Variants in EMP3 observed in about 807,000 individuals in gnomAD.
The protein encoded by EMP3 is epithelial membrane protein 3.
EMP3 carries 15 observed loss-of-function variants against 21.6 expected under a neutral mutation model. The ratio of observed to expected loss-of-function variants is 0.69; its 90% confidence interval spans 0.46 to 1.07. EMP3 has a LOEUF of 1.07. EMP3 is among the 50% of genes least tolerant of loss of function. The pLI, the probability that EMP3 is intolerant of heterozygous loss-of-function variation, is 0.00. For synonymous variants in EMP3, 107 were observed against 86.1 expected (o/e 1.24, Z -1.34); for missense variants, 183 against 206.6 (o/e 0.89, Z 0.70).
intron 3 of EMP3, among the ~76,000 whole-genome samples, chr19:48,328,447 C>T (rs1969161282): frequency 2.1e-5 from 3 of 146,192 alleles, no homozygotes; most frequent in Admixed American, 1.4e-4. Flanking sequence ...AGAGAAAAAT[C>T]TCCCAAGATT....
At chr19:48,327,646 C>A in intron 3 of EMP3, 23 bp downstream of exon 3, 1 of 1,602,146 alleles carries the variant, frequency 6.2e-7, no homozygotes, top group East Asian at 2.2e-5. Context: ...GGCGGCGGGA[C>A]TGGTCTTCAA....
intron 3 of EMP3, 182 bp downstream of exon 3, chr19:48,327,805 T>G (rs1969149047): frequency 1.7e-6 from 1 of 579,862 alleles, no homozygotes; most frequent in Non-Finnish European, 3.1e-6. Flanking sequence ...TACCTCTTGT[T>G]TTTTTTGTTT....
chr19:48,327,157 C>A (rs1969135584), intron 2 of EMP3, among the ~76,000 whole-genome samples: 1 of 152,116 alleles, frequency 6.6e-6, no homozygotes, highest in Non-Finnish European at 1.5e-5. Context: ...CTCAGCCCCC[C>A]AAGTAGCTGG....
At position 48,329,273 on chromosome 19, in the gene EMP3, G is replaced by A. The variant is rs1969168340; in HGVS notation, c.182-79G>A. The A allele has an allele frequency of 1.9e-6, 3 of 1,576,178 alleles. No homozygotes were observed. Among genetic ancestry groups the A allele is most frequent in the South Asian group, 2.3e-5 (2 of 86,160 alleles). On this transcript the variant is annotated intron_variant, in intron 3 of 4. Transcript: ENST00000270221. The surrounding 1 kb of genome is among the most constrained non-coding windows in gnomAD (Gnocchi z 4.5). ...CGGGAGCAGGGATGGGGCAGAGAAG[G>A]GTCACATGGTGAGCAAGCAGGTGAA...
chr19:48,325,659 G>A (rs1374048161), intron 1 of EMP3, 49 bp downstream of exon 1: 1 of 152,186 alleles, frequency 6.6e-6, no homozygotes, highest in African/African-American at 2.4e-5. Flanking sequence ...AATTTACTTG[G>A]GAATGTAGCA....
chr19:48,329,444 C>A lies in EMP3; in HGVS notation c.274C>A (p.Arg92=). ...GTTCATGTTCCAGCTCTACACCATG[C>A]GACGAGGAGGTCTCTTCTATGCCAC... ...ILFMFQLYTM[R]RGGLFYATGL... Residue 92 remains arginine, a synonymous_variant, in exon 4 of 5, where the codon CGA becomes AGA. Coordinates refer to ENST00000270221, the MANE Select transcript of EMP3 (RefSeq NM_001425.3). The surrounding 1 kb of genome is among the most constrained non-coding windows in gnomAD (Gnocchi z 4.5). 1 of 1,614,118 alleles carries A rather than the reference C, an allele frequency of 6.2e-7. No individual in the cohort carries two copies. Among genetic ancestry groups the A allele is most frequent in the Non-Finnish European group, 8.5e-7 (1 of 1,180,026 alleles).
chr19:48,330,298 C>T lies in EMP3; in HGVS notation c.323-3C>T. The T allele has an allele frequency of 6.3e-7, 1 of 1,576,478 alleles. No individual in the cohort carries two copies. Among genetic ancestry groups the T allele is most frequent in the Non-Finnish European group, 8.6e-7 (1 of 1,161,314 alleles). On this transcript the variant is annotated splice_polypyrimidine_tract_variant and splice_region_variant and intron_variant, in intron 4 of 4. Transcript: ENST00000270221. ...CATGACGTGTGGTTTTCATCTTCCG[C>T]AGGCGTGGCGGTGTTTACTGGCGCC... is the stretch of plus-strand genomic sequence containing the variant.
Position 48,327,566 on chromosome 19 carries a change from G to A in EMP3, c.124G>A (p.Asp42Asn), listed in dbSNP as rs370992861. The change falls in exon 3 of 5, where the codon GAC (aspartate) becomes AAC (asparagine). Residue 42 changes from aspartate (D) to asparagine (N), a missense_variant. Transcript: ENST00000270221. ...PGKESLNLWYDCTWNNDTKTW... is the reference protein window; with the variant it reads ...PGKESLNLWYNCTWNNDTKTW... ...GAAAGAGTCCCTGAATCTCTGGTAC[G>A]ACTGCACGTGGAACAACGACACCAA... 12 of 1,613,828 alleles carry A rather than the reference G, an allele frequency of 7.4e-6. No homozygotes were observed. The highest frequency in any genetic ancestry group is 1.6e-4 in the Middle Eastern group (1 of 6,062).
At chr19:48,326,546 A>G (rs996317378) in intron 1 of EMP3, among the ~76,000 whole-genome samples, 1 of 150,176 alleles carries the variant, frequency 6.7e-6, no homozygotes, top group African/African-American at 2.5e-5. Context: ...GCTGGAGTGC[A>G]ATGGCATGAT....
rs1379067641 is a variant in EMP3 at position 48,329,612 on chromosome 19, C to G, written c.322+120C>G. 18 of 1,305,778 alleles carry G rather than the reference C, an allele frequency of 1.4e-5. No homozygotes were observed. The East Asian group carries it at 4.0e-4, about 29-fold the overall frequency. The allele number at this position is 1,305,778 out of a possible 1,614,324, so 80.9% of individuals were successfully genotyped here. A position where few individuals can be genotyped will look rare whatever the true frequency, so the allele number is the denominator to read the frequency against. ...TCGTAGAAAAAAACAACTTTCAACACCCCACGAGCCACAAGAGGTGCCTCC... is the reference window on the plus strand; with the variant it reads ...TCGTAGAAAAAAACAACTTTCAACAGCCCACGAGCCACAAGAGGTGCCTCC... On this transcript the variant is annotated intron_variant, in intron 4 of 4. Transcript: ENST00000270221. The surrounding 1 kb of genome is among the most constrained non-coding windows in gnomAD (Gnocchi z 4.5).
chr19:48,327,194 G>A lies in EMP3; in HGVS notation c.78+272G>A, dbSNP rs894474063. Among the ~76,000 whole-genome samples, 27 of 151,588 alleles carry A rather than the reference G, an allele frequency of 1.8e-4. 1 individual carries two copies. The East Asian group carries it at 2.0e-3, about 11-fold the overall frequency. ...ATTAGAGGCACCTGCCACCAAGCCC[G>A]GCTAATTTTTTTATTTTGGTAGAGA... On this transcript the variant is annotated intron_variant, in intron 2 of 4. Transcript: ENST00000270221.
Position 48,330,355 on chromosome 19 carries a change from TG to T in EMP3, c.379del (p.Glu127ArgfsTer?). On this transcript the variant is annotated frameshift_variant, in exon 5 of 5. Coordinates refer to ENST00000270221, the MANE Select transcript of EMP3 (RefSeq NM_001425.3). LOFTEE classifies it high-confidence loss of function. ...LIYAIHAEEI[L>X]EKHPRGGSFG... ...TATGCCATTCACGCCGAGGAGATCC[TG>T]GAGAAGCACCCGCGAGGGGGCAGCT... 6.2e-7 allele frequency: 1 copy of T among 1,607,648 alleles called. No homozygotes were observed. The highest frequency in any genetic ancestry group is 8.5e-7 in the Non-Finnish European group (1 of 1,177,284).
At chr19:48,327,412 C>A in intron 2 of EMP3, 109 bp from the exon 3 acceptor site, 1 of 750,574 alleles carries the variant, frequency 1.3e-6, no homozygotes, top group Non-Finnish European at 2.3e-6. Flanking sequence ...CCCAGTTCTG[C>A]CCCATCCCAG....
chr19:48,327,472 C>G, intron 2 of EMP3, 49 bp from the exon 3 acceptor site: 1 of 1,419,422 alleles, frequency 7.0e-7, no homozygotes. Context: ...GACCCTATCC[C>G]CTCTCCTTTC....
chr19:48,329,418 TG>T lies in EMP3; in HGVS notation c.249del (p.Phe84SerfsTer33). The T allele has an allele frequency of 6.2e-7, 1 of 1,613,298 alleles. No individual in the cohort carries two copies. The highest frequency in any genetic ancestry group is 8.5e-7 in the Non-Finnish European group (1 of 1,179,760). ...ATTCTCTGCTGTCTCTCCTTCATCC[TG>T]TTCATGTTCCAGCTCTACACCATGC... is the stretch of plus-strand genomic sequence containing the variant. ...SLILCCLSFI[L>X]FMFQLYTMRR... On this transcript the variant is annotated frameshift_variant, in exon 4 of 5. Coordinates refer to ENST00000270221, the MANE Select transcript of EMP3 (RefSeq NM_001425.3). LOFTEE classifies it high-confidence loss of function. This position sits in a 1 kb window ranked among gnomAD's most constrained non-coding sequence, Gnocchi z 4.5.
Position 48,329,317 on chromosome 19 carries a change from C to G in EMP3, c.182-35C>G, listed in dbSNP as rs761642501. ...AGGTGAAGCTGGAACTCTGGACCCA[C>G]GGTGATGTCCCCCTCTGTGTCCTCC... On this transcript the variant is annotated intron_variant, in intron 3 of 4. Coordinates refer to ENST00000270221, the MANE Select transcript of EMP3 (RefSeq NM_001425.3). This position sits in a 1 kb window ranked among gnomAD's most constrained non-coding sequence, Gnocchi z 4.5. 5.6e-6 allele frequency: 9 copies of G among 1,612,746 alleles called. No homozygotes were observed. The highest frequency in any genetic ancestry group is 7.6e-6 in the Non-Finnish European group (9 of 1,179,268).
In EMP3 at chr19:48,330,425, C is replaced by G; in HGVS notation, c.447C>G (p.Ala149=). The change falls in exon 5 of 5, where the codon GCC becomes GCG. Residue 149 remains alanine (A), a synonymous_variant. Transcript: ENST00000270221. ...TGGCCTGGGTGGCCTTCCCCCTCGC[C>G]CTGGTCAGCGGCATCATCTACATCC... The part of the protein sequence containing the change: ...FALAWVAFPL[A]LVSGIIYIHL... 1 of 1,598,872 alleles carries G rather than the reference C, an allele frequency of 6.3e-7. No homozygotes were observed. Among genetic ancestry groups the G allele is most frequent in the African/African-American group, 1.4e-5 (1 of 73,756 alleles).
intron 2 of EMP3, 116 bp downstream of exon 2, chr19:48,327,038 T>A: frequency 1.1e-6 from 1 of 905,860 alleles, no homozygotes. Flanking sequence ...TTTATTTTAT[T>A]TCATTTATTT....
chr19:48,328,234 A>AC (rs1356799678), intron 3 of EMP3, among the ~76,000 whole-genome samples: 1 of 144,214 alleles, frequency 6.9e-6, no homozygotes, highest in Admixed American at 7.1e-5. Context: ...AGATGATGAA[A>AC]CCCCGTCTCT....
Sources: allele counts gnomAD v4.1 joint callset (sites outside exome capture counted in the v4.1 genomes callset), GRCh38; gene constraint gnomAD v4.1.1; non-coding constraint Gnocchi (gnomAD v3.1); transcripts MANE v1.5; gene names NCBI Gene and HGNC (gene_info 2026-07-23, HGNC 2026-07-21).